MTHFS: variants seen among roughly 807,000 people sequenced by gnomAD.
The protein encoded by MTHFS is 5-formyltetrahydrofolate cyclo-ligase.
MTHFS carries 7 observed loss-of-function variants against 12.7 expected under a neutral mutation model. The ratio of observed to expected loss-of-function variants is 0.55; its 90% CI spans 0.31 to 1.03. The LOEUF (loss-of-function observed/expected upper bound fraction) is 1.03. Ranked by LOEUF, MTHFS falls within the 50% of genes least tolerant of loss-of-function variation. The pLI is 0.05. For synonymous variants in MTHFS, 100 were observed against 97.1 expected, an observed-to-expected ratio of 1.03 and a Z score of -0.18; for missense variants, 252 against 258.1, an observed-to-expected ratio of 0.98 and a Z score of 0.16.
In MTHFS at chr15:79,892,206, A is replaced by G. The variant is rs1375616946; in HGVS notation, c.118-2852T>C. 7.9e-5 allele frequency among the ~76,000 whole-genome samples: 12 copies of G among 152,268 alleles called. No individual in the cohort carries two copies. In the East Asian group the frequency reaches 1.9e-3, roughly 24 times the overall value. Reference sequence around the variant, plus strand: ...TAATAAGATGAAGGGAAAAGAATCCAAGAAAGACAAAGATATTAGACTCAA... The same window carrying G: ...TAATAAGATGAAGGGAAAAGAATCCGAGAAAGACAAAGATATTAGACTCAA... On this transcript the variant is annotated intron_variant, in intron 1 of 2. Coordinates refer to ENST00000258874, the MANE Select transcript of MTHFS (RefSeq NM_006441.4).
chr15:79,849,428 A>T (rs1213724117), intron 2 of MTHFS, among the ~76,000 whole-genome samples: 1 of 152,102 alleles, frequency 6.6e-6, no homozygotes, highest in African/African-American at 2.4e-5. Flanking sequence ...CTTTGGGAAC[A>T]CTATGCTGGA....
upstream of MTHFS, chr15:79,897,109 G>T: frequency 1.0e-6 from 1 of 954,738 alleles, no homozygotes; most frequent in Non-Finnish European, 1.4e-6. Flanking sequence ...GCTCGGGGAA[G>T]CGCCCCCACC....
chr15:79,882,078 T>A (rs2034305813), intron 2 of MTHFS, among the ~76,000 whole-genome samples: 2 of 149,974 alleles, frequency 1.3e-5, no homozygotes, highest in African/African-American at 2.5e-5. Flanking sequence ...TTTCATTTAC[T>A]TTTAGTCATA....
At chr15:79,870,597 G>A (rs1447457994) in intron 2 of MTHFS, among the ~76,000 whole-genome samples, 1 of 151,876 alleles carries the variant, frequency 6.6e-6, no homozygotes, top group African/African-American at 2.4e-5. Context: ...CTACTTAAAG[G>A]AATATTCCAT....
At chr15:79,889,062 T>C (rs2034427793) in intron 2 of MTHFS, 31 bp downstream of exon 2, 1 of 1,609,050 alleles carries the variant, frequency 6.2e-7, no homozygotes, top group Non-Finnish European at 8.5e-7. Flanking sequence ...CTGGTCATAA[T>C]CTAACAACAT....
At chr15:79,858,204 C>T (rs2033846440) in intron 2 of MTHFS, among the ~76,000 whole-genome samples, 2 of 152,004 alleles carry the variant, frequency 1.3e-5, no homozygotes. Flanking sequence ...CTATTCATGC[C>T]CTCTAGGACC....
At chr15:79,890,990 G>A (rs2034463433) in intron 1 of MTHFS, among the ~76,000 whole-genome samples, 1 of 152,214 alleles carries the variant, frequency 6.6e-6, no homozygotes, top group African/African-American at 2.4e-5. Context: ...AACACTCAAT[G>A]TGAGACTGTG....
chr15:79,889,666 C>T (rs2034441080), intron 1 of MTHFS, among the ~76,000 whole-genome samples: 1 of 152,116 alleles, frequency 6.6e-6, no homozygotes, highest in Admixed American at 6.5e-5. Flanking sequence ...GCTTGATCCC[C>T]ACCTATCCAT....
intron 2 of MTHFS, among the ~76,000 whole-genome samples, chr15:79,871,623 TA>T (rs1360170896): frequency 6.6e-6 from 1 of 151,450 alleles, no homozygotes; most frequent in African/African-American, 2.4e-5. Flanking sequence ...TTTTGCTGAA[TA>T]AAAAAATTAT....
At chr15:79,894,761 G>A (rs1182958239) in intron 1 of MTHFS, among the ~76,000 whole-genome samples, 1 of 152,086 alleles carries the variant, frequency 6.6e-6, no homozygotes, top group African/African-American at 2.4e-5. Context: ...TGGAATCACT[G>A]GTGACTCTCC....
At chr15:79,857,566 A>G (rs565485876) in intron 2 of MTHFS, among the ~76,000 whole-genome samples, 1 of 152,328 alleles carries the variant, frequency 6.6e-6, no homozygotes, top group Admixed American at 6.5e-5. Flanking sequence ...AAATTCTATT[A>G]CAGCAAGTCT....
intron 2 of MTHFS, among the ~76,000 whole-genome samples, chr15:79,860,056 C>T (rs187312955): frequency 3.2e-4 from 48 of 152,190 alleles, no homozygotes; most frequent in African/African-American, 9.6e-4. Context: ...TCTGTATCCT[C>T]GCCCTCAAAA....
At chr15:79,863,951 C>T (rs763461223) in intron 2 of MTHFS, among the ~76,000 whole-genome samples, 6 of 152,184 alleles carry the variant, frequency 3.9e-5, no homozygotes, top group Non-Finnish European at 7.3e-5. Flanking sequence ...TGAGCATGCC[C>T]TCCTTTTACT....
chr15:79,860,892 C>T (rs1028232030), intron 2 of MTHFS, among the ~76,000 whole-genome samples: 1 of 152,122 alleles, frequency 6.6e-6, no homozygotes, highest in Non-Finnish European at 1.5e-5. Flanking sequence ...TCATGGCAAA[C>T]CACTATTCAA....
intron 2 of MTHFS, among the ~76,000 whole-genome samples, chr15:79,852,843 G>A (rs916378666): frequency 3.3e-5 from 5 of 152,170 alleles, no homozygotes; most frequent in African/African-American, 1.2e-4. Flanking sequence ...TGTATTATGG[G>A]TTCAAGGCTT....
At chr15:79,859,015 C>T (rs1379833074) in intron 2 of MTHFS, among the ~76,000 whole-genome samples, 1 of 152,148 alleles carries the variant, frequency 6.6e-6, no homozygotes, top group Non-Finnish European at 1.5e-5. Flanking sequence ...ATATACTTAA[C>T]AGGACCAGTG....
At chr15:79,846,549 C>T (rs540281386) in intron 2 of MTHFS, among the ~76,000 whole-genome samples, 1 of 152,354 alleles carries the variant, frequency 6.6e-6, no homozygotes, top group African/African-American at 2.4e-5. Flanking sequence ...ACCTGCAGAA[C>T]TGTGAGGTGA....
At chr15:79,865,964 GA>G (rs1266802047) in intron 2 of MTHFS, among the ~76,000 whole-genome samples, 2 of 151,932 alleles carry the variant, frequency 1.3e-5, no homozygotes, top group African/African-American at 4.8e-5. Context: ...GAGCCCATCA[GA>G]ACTACCAATA....
At chr15:79,879,980 G>A (rs1418939668) in intron 2 of MTHFS, among the ~76,000 whole-genome samples, 2 of 152,222 alleles carry the variant, frequency 1.3e-5, no homozygotes, top group African/African-American at 4.8e-5. Context: ...GACATGGGCA[G>A]TTAGGAAGAT....
Sources: gnomAD v4.1 joint callset for allele counts (sites outside exome capture counted in the v4.1 genomes callset) on GRCh38, gnomAD v4.1.1 for gene constraint, MANE v1.5 for transcripts, NCBI Gene and HGNC (gene_info 2026-07-23, HGNC 2026-07-21) for gene names.